The following SAMD5 variants were observed in gnomAD, a reference collection of about 807,000 sequenced individuals.
The protein encoded by SAMD5 is sterile alpha motif domain containing 5.
Under a neutral mutation model 11.3 loss-of-function variants are expected in SAMD5, and 13 were observed. The observed-to-expected ratio is 1.15, with a 90% CI of 0.75 to 1.83. The LOEUF (loss-of-function observed/expected upper bound fraction) is 1.83, where lower values mean the gene tolerates loss of function less well. SAMD5 is among the 40% of genes most tolerant of loss of function. The pLI is 0.00. For missense variants in SAMD5, 255 were observed against 239.1 expected (o/e 1.07, Z -0.44); for synonymous variants, 129 against 111.3 (o/e 1.16, Z -1.00).
chr6:147,949,822 AT>A, the SAMD5 span, among the ~76,000 whole-genome samples: 5 of 152,248 alleles, frequency 3.3e-5, no homozygotes, highest in Admixed American at 2.6e-4. Context: ...TCAACATTAA[AT>A]TTTTAATTCT....
chr6:147,819,528 G>A, the SAMD5 span, among the ~76,000 whole-genome samples: 1 of 152,186 alleles, frequency 6.6e-6, no homozygotes, highest in African/African-American at 2.4e-5. Flanking sequence ...CTCACTGCAA[G>A]AAATATAGAC....
chr6:147,677,353 G>A (rs924186612), intron 1 of SAMD5, among the ~76,000 whole-genome samples: 2 of 152,208 alleles, frequency 1.3e-5, no homozygotes, highest in African/African-American at 2.4e-5. Context: ...GTGTGGTAAG[G>A]AACTTCAGTG....
chr6:147,542,362 G>A (rs10872596), intron 1 of SAMD5, among the ~76,000 whole-genome samples: 36,623 of 152,100 alleles, frequency 0.24, 4,887 homozygotes, highest in East Asian at 0.52. Context: ...TTCACCTTGC[G>A]CACTACCTGG....
chr6:147,806,831 A>T, the SAMD5 span, among the ~76,000 whole-genome samples: 2 of 152,088 alleles, frequency 1.3e-5, no homozygotes, highest in South Asian at 4.1e-4. Context: ...TGTATTTGGG[A>T]GGTAACTAGG....
At chr6:147,514,351 T>C (rs941328827) in intron 1 of SAMD5, among the ~76,000 whole-genome samples, 4 of 151,730 alleles carry the variant, frequency 2.6e-5, no homozygotes, top group South Asian at 4.2e-4. Flanking sequence ...AGGGAGGAGA[T>C]GGAAGGATTA....
downstream of SAMD5, among the ~76,000 whole-genome samples, chr6:147,573,053 C>T (rs1486893314): frequency 2.0e-5 from 3 of 152,186 alleles, no homozygotes; most frequent in Non-Finnish European, 4.4e-5. Context: ...TAAGAATGAG[C>T]TTGCAACTCT....
At chr6:147,817,978 G>A in the SAMD5 span, among the ~76,000 whole-genome samples, 14 of 152,278 alleles carry the variant, frequency 9.2e-5, no homozygotes, top group South Asian at 6.2e-4. Context: ...ACATTTCAGC[G>A]AAAAGAAATC....
At chr6:147,640,039 G>A (rs532100547) in intron 1 of SAMD5, among the ~76,000 whole-genome samples, 107 of 152,230 alleles carry the variant, frequency 7.0e-4, no homozygotes, top group Non-Finnish European at 1.2e-3. Flanking sequence ...TCATGGTAAA[G>A]AATGACGGCT....
chr6:147,792,367 A>G, the SAMD5 span, among the ~76,000 whole-genome samples: 3,214 of 152,304 alleles, frequency 0.021, 107 homozygotes, highest in African/African-American at 0.072. Context: ...TGCTGGAGTA[A>G]GAGGTTACAA....
At chr6:147,647,341 C>G (rs370763798) in intron 1 of SAMD5, among the ~76,000 whole-genome samples, 7 of 151,690 alleles carry the variant, frequency 4.6e-5, no homozygotes, top group African/African-American at 1.7e-4. Context: ...AGGGGATGAT[C>G]AAGATGAGGT....
At chr6:147,881,363 C>T in the SAMD5 span, among the ~76,000 whole-genome samples, 3 of 152,170 alleles carry the variant, frequency 2.0e-5, no homozygotes, top group Non-Finnish European at 4.4e-5. Flanking sequence ...ATGAAACTTT[C>T]TCCAAGCCCC....
intron 1 of SAMD5, among the ~76,000 whole-genome samples, chr6:147,597,915 C>G (rs988094590): frequency 6.6e-6 from 1 of 152,038 alleles, no homozygotes; most frequent in Non-Finnish European, 1.5e-5. Flanking sequence ...ATAGAACCAC[C>G]CTGCAGGCCG....
At chr6:147,766,771 G>T in the SAMD5 span, among the ~76,000 whole-genome samples, 1 of 152,212 alleles carries the variant, frequency 6.6e-6, no homozygotes, top group African/African-American at 2.4e-5. Context: ...AATGACACTT[G>T]TGTAGAGCAA....
At chr6:147,911,653 CAG>C in the SAMD5 span, among the ~76,000 whole-genome samples, 110 of 152,348 alleles carry the variant, frequency 7.2e-4, no homozygotes, top group African/African-American at 2.5e-3. Flanking sequence ...GAGATCTGCA[CAG>C]AGTTACCTTC....
At chr6:147,612,060 C>T (rs2128449220) in intron 1 of SAMD5, among the ~76,000 whole-genome samples, 1 of 152,286 alleles carries the variant, frequency 6.6e-6, no homozygotes, top group South Asian at 2.1e-4. Flanking sequence ...AATTGTTTAT[C>T]TATCATCGTG....
the SAMD5 span, among the ~76,000 whole-genome samples, chr6:147,938,739 G>T: frequency 6.6e-6 from 1 of 152,196 alleles, no homozygotes; most frequent in African/African-American, 2.4e-5. Flanking sequence ...ATCAGAGTAG[G>T]TTGCTTGAAC....
At chr6:147,742,317 G>A (rs1791891395), downstream of SAMD5, among the ~76,000 whole-genome samples, 1 of 152,010 alleles carries the variant, frequency 6.6e-6, no homozygotes, top group South Asian at 2.1e-4. Context: ...GAAGTTGCCT[G>A]CTATGGGCCT....
chr6:147,667,071 C>G (rs1790733521), intron 1 of SAMD5, among the ~76,000 whole-genome samples: 1 of 152,136 alleles, frequency 6.6e-6, no homozygotes, highest in Admixed American at 6.5e-5. Flanking sequence ...CCCTGCTCTC[C>G]ATGAGCTGCA....
At chr6:147,574,349 A>G (rs954656646), downstream of SAMD5, among the ~76,000 whole-genome samples, 20 of 152,226 alleles carry the variant, frequency 1.3e-4, no homozygotes, top group African/African-American at 4.1e-4. Flanking sequence ...TAACACAGCC[A>G]GTAACCAAGA....
Sources: allele counts gnomAD v4.1 joint callset (sites outside exome capture counted in the v4.1 genomes callset), GRCh38; gene constraint gnomAD v4.1.1; transcripts MANE v1.5; gene names NCBI Gene and HGNC (gene_info 2026-07-23, HGNC 2026-07-21).